Variants in SYNE2 observed in about 807,000 individuals in gnomAD.
SYNE2 encodes nesprin-2.
Under a neutral mutation model 856.3 loss-of-function variants are expected in SYNE2, and 431 were observed. The ratio of observed to expected loss-of-function variants is 0.50; its 90% CI spans 0.47 to 0.55. The LOEUF (loss-of-function observed/expected upper bound fraction) is 0.55, where lower values mean the gene tolerates loss of function less well. SYNE2 is among the 20% of genes least tolerant of loss of function. The pLI, the probability that SYNE2 is intolerant of heterozygous loss-of-function variation, is 0.00. For missense variants in SYNE2, 8,129 were observed against 8,023.2 expected, an observed-to-expected ratio of 1.01 and a Z score of -0.50; for synonymous variants, 2,923 against 2,872.3, an observed-to-expected ratio of 1.02 and a Z score of -0.56.
In SYNE2 at chr14:64,007,231, A is replaced by G. The variant is rs567579552; in HGVS notation, c.4577+9A>G. 3 of 1,613,404 alleles carry G rather than the reference A, an allele frequency of 1.9e-6. No individual in the cohort carries two copies. Among genetic ancestry groups the G allele is most frequent in the South Asian group, 1.1e-5 (1 of 91,072 alleles). On this transcript the variant is annotated intron_variant, in intron 31 of 115. Coordinates refer to ENST00000555002, the MANE Select transcript of SYNE2 (RefSeq NM_182914.3). ...GCCTTGGTCACCGAATGGTAAGGAA[A>G]AAAAAGAATCCCTCTTGAATCTGAA... is the stretch of plus-strand genomic sequence containing the variant.
intron 34 of SYNE2, among the ~76,000 whole-genome samples, chr14:64,018,691 CTTTA>C (rs1266586971): frequency 6.6e-6 from 1 of 152,178 alleles, no homozygotes; most frequent in East Asian, 1.9e-4. Flanking sequence ...CCAATAAAAA[CTTTA>C]TTTATAAAAA....
chr14:64,014,929 TTATATATATATATATATATATATATA>T (rs372523173), intron 32 of SYNE2, among the ~76,000 whole-genome samples: 1,038 of 78,830 alleles, frequency 0.013, 33 homozygotes, highest in African/African-American at 0.042. Context: ...GTATAATTCC[TTATATATATATATATATATATATATA>T]TATATATATA....
intron 7 of SYNE2, 62 bp downstream of exon 7, chr14:63,950,068 C>A: frequency 6.5e-7 from 1 of 1,545,302 alleles, no homozygotes; most frequent in Non-Finnish European, 8.9e-7. Context: ...AACACCACCT[C>A]ACCACCCAAA....
rs772568534 is a variant in SYNE2, at chr14:64,007,049, A to G, written c.4404A>G (p.Lys1468=). The change falls in exon 31 of 116, where the codon AAA becomes AAG. Residue 1468 remains lysine, a synonymous_variant. Transcript: ENST00000555002. ...PTVPAVKHRK[K]SLIRLDKVLD... ...TTTCTCATTCATAATCAAGGAAAAA[A>G]TCATTAATCAGACTGGATAAGGTTC... 5.0e-6 allele frequency: 8 copies of G among 1,612,786 alleles called. No homozygotes were observed. Among genetic ancestry groups the G allele is most frequent in the Middle Eastern group, 1.7e-4 (1 of 5,766 alleles).
At chr14:63,803,097 G>A (rs959942535) in intron 1 of SYNE2, among the ~76,000 whole-genome samples, 7 of 152,090 alleles carry the variant, frequency 4.6e-5, no homozygotes, top group Non-Finnish European at 7.4e-5. Flanking sequence ...TGGTAGAGCC[G>A]AGTGGCCTGT....
chr14:63,856,287 G>A (rs1891705975), intron 1 of SYNE2, among the ~76,000 whole-genome samples: 1 of 152,210 alleles, frequency 6.6e-6, no homozygotes, highest in South Asian at 2.1e-4. Flanking sequence ...TGGGCATCAG[G>A]GAGATTGAAT....
intron 1 of SYNE2, among the ~76,000 whole-genome samples, chr14:63,767,146 G>A (rs1275379353): frequency 2.8e-5 from 4 of 144,536 alleles, no homozygotes. Context: ...TGGCTCTGTC[G>A]CCCAGGCTGG....
At chr14:64,187,630 G>T (rs899770146) in intron 97 of SYNE2, among the ~76,000 whole-genome samples, 1 of 152,154 alleles carries the variant, frequency 6.6e-6, no homozygotes, top group East Asian at 1.9e-4. Context: ...TAAGCATTCA[G>T]TATTTTCTCC....
chr14:63,866,201 C>G (rs557148625), intron 1 of SYNE2, among the ~76,000 whole-genome samples: 23 of 152,266 alleles, frequency 1.5e-4, no homozygotes, highest in African/African-American at 5.5e-4. Flanking sequence ...CTTATGCATT[C>G]CACAACATTT....
intron 99 of SYNE2, among the ~76,000 whole-genome samples, chr14:64,194,997 T>C (rs770847766): frequency 6.6e-6 from 1 of 152,204 alleles, no homozygotes; most frequent in Non-Finnish European, 1.5e-5. Context: ...ATGAGAGAAC[T>C]CTGCTTGTCC....
chr14:63,983,284 A>G (rs1473185466), intron 17 of SYNE2, among the ~76,000 whole-genome samples: 1 of 152,226 alleles, frequency 6.6e-6, no homozygotes. Context: ...GCAGCTGTGG[A>G]CATTCATATG....
intron 96 of SYNE2, among the ~76,000 whole-genome samples, chr14:64,185,976 C>T (rs570516774): frequency 6.6e-6 from 1 of 152,156 alleles, no homozygotes; most frequent in Admixed American, 6.5e-5. Context: ...GAAGTTGTTG[C>T]TGTTACGTGA....
intron 1 of SYNE2, among the ~76,000 whole-genome samples, chr14:63,784,108 GA>G (rs1356538167): frequency 6.6e-6 from 1 of 152,196 alleles, no homozygotes; most frequent in Non-Finnish European, 1.5e-5. Flanking sequence ...AGAGAATGAT[GA>G]AGCAAGTGGT....
At chr14:63,927,008 T>TC (rs1290224449) in intron 2 of SYNE2, among the ~76,000 whole-genome samples, 2 of 152,070 alleles carry the variant, frequency 1.3e-5, no homozygotes, top group African/African-American at 4.8e-5. Flanking sequence ...CTTGTAAAGG[T>TC]CCTGAAAGAA....
intron 88 of SYNE2, chr14:64,162,722 C>T (rs1160606845): frequency 3.4e-4 from 89 of 262,518 alleles, no homozygotes; most frequent in Non-Finnish European, 1.2e-4. Context: ...GCTTAGTTTC[C>T]TCTATGGTGT....
intron 63 of SYNE2, chr14:64,099,035 A>T (rs1421673292): frequency 1.3e-5 from 7 of 553,996 alleles, no homozygotes; most frequent in Non-Finnish European, 1.6e-5. Context: ...TAATTCAGAC[A>T]CTCTTGTTGG....
chr14:63,950,813 T>G (rs1253404491), intron 7 of SYNE2, among the ~76,000 whole-genome samples: 1 of 151,958 alleles, frequency 6.6e-6, no homozygotes, highest in Non-Finnish European at 1.5e-5. Flanking sequence ...CACACCACCA[T>G]GTCTGGCTAA....
chr14:64,157,772 A>G (rs2098297628), intron 85 of SYNE2, among the ~76,000 whole-genome samples: 1 of 152,184 alleles, frequency 6.6e-6, no homozygotes, highest in Non-Finnish European at 1.5e-5. Flanking sequence ...TATGGCCATC[A>G]AAGTGGATGT....
intron 66 of SYNE2, among the ~76,000 whole-genome samples, chr14:64,114,622 GTTC>G: frequency 6.6e-6 from 1 of 150,786 alleles, no homozygotes; most frequent in Non-Finnish European, 1.5e-5. Context: ...TCAAAAGTCA[GTTC>G]TTTTTTTTTT....
Sources: gnomAD v4.1 joint callset for allele counts (sites outside exome capture counted in the v4.1 genomes callset) on GRCh38, gnomAD v4.1.1 for gene constraint, MANE v1.5 for transcripts, NCBI Gene and HGNC (gene_info 2026-07-23, HGNC 2026-07-21) for gene names.